The following ELP1 variants were observed in gnomAD, a reference collection of about 807,000 sequenced individuals.
The protein encoded by ELP1 is elongator acetyltransferase complex subunit 1.
In ELP1, 131 loss-of-function variants were observed where a neutral mutation model predicts 183.2. That is an observed-to-expected ratio of 0.72 (90% CI 0.62 to 0.83). The LOEUF (loss-of-function observed/expected upper bound fraction) is 0.83, where lower values mean the gene tolerates loss of function less well. Among genes scored for constraint, ELP1 ranks in the 40% least tolerant of loss-of-function variants. The pLI is 0.00. For missense variants in ELP1, 1,550 were observed against 1,594.9 expected, an observed-to-expected ratio of 0.97 and a Z score of 0.48; for synonymous variants, 555 against 569.0, an observed-to-expected ratio of 0.98 and a Z score of 0.35.
At chr9:108,871,121 C>A (rs564863351) in intron 36 of ELP1, among the ~76,000 whole-genome samples, 257 of 152,122 alleles carry the variant, frequency 1.7e-3, no homozygotes, top group African/African-American at 6.0e-3. Flanking sequence ...GCTTTCACAG[C>A]TTTTTCTATA....
At chr9:108,932,077 C>A (rs1830018717) in intron 1 of ELP1, among the ~76,000 whole-genome samples, 1 of 152,194 alleles carries the variant, frequency 6.6e-6, no homozygotes, top group South Asian at 2.1e-4. Context: ...CCACACCGGT[C>A]TTATTGTCAC....
chr9:108,899,874 C>A lies in ELP1; in HGVS notation c.2152G>T (p.Val718Phe), dbSNP rs773965863. The A allele has an allele frequency of 6.2e-7, 1 of 1,614,092 alleles. No individual in the cohort carries two copies. The highest frequency in any genetic ancestry group is 2.2e-5 in the East Asian group (1 of 44,870). ...AAAACCAGGGCTCGATGATGAACAA[C>A]TTCTAAGTTTCCCCTTGGCATCTTA... ...VLQMPRGNLEVVHHRALVLAQ... is the reference protein window; with the variant it reads ...VLQMPRGNLEFVHHRALVLAQ... Residue 718 changes from valine (V) to phenylalanine (F), a missense_variant, in exon 20 of 37, where the codon GTT (valine) becomes TTT (phenylalanine). Val to Phe is a conservative substitution (Grantham distance 50). Coordinates refer to ENST00000374647, the MANE Select transcript of ELP1 (RefSeq NM_003640.5).
At chr9:108,910,871 TA>T (rs1158309895) in intron 12 of ELP1, 138 bp downstream of exon 12, 3 of 661,974 alleles carry the variant, frequency 4.5e-6, no homozygotes, top group Non-Finnish European at 8.0e-6. Context: ...TTAAATATCA[TA>T]ATGATAATGA....
intron 35 of ELP1, among the ~76,000 whole-genome samples, 166 bp downstream of exon 35, chr9:108,877,829 A>G (rs1827759038): frequency 1.3e-5 from 2 of 152,254 alleles, no homozygotes; most frequent in Non-Finnish European, 1.5e-5. Context: ...GTCACTCTAC[A>G]GGCAAATATC....
At chr9:108,913,175 C>T (rs1169036204) in intron 10 of ELP1, among the ~76,000 whole-genome samples, 1 of 152,126 alleles carries the variant, frequency 6.6e-6, no homozygotes. Flanking sequence ...GATAACTTGG[C>T]AATTAGAGTA....
At chr9:108,872,804 G>GGA (rs1827523763) in intron 36 of ELP1, among the ~76,000 whole-genome samples, 1 of 83,380 alleles carries the variant, frequency 1.2e-5, no homozygotes, top group African/African-American at 8.6e-5. Context: ...GACTCTGTCT[G>GGA]AAAAAAAAAA....
chr9:108,902,085 AG>A (rs1410481362), intron 16 of ELP1, among the ~76,000 whole-genome samples: 1 of 152,238 alleles, frequency 6.6e-6, no homozygotes, highest in African/African-American at 2.4e-5. Flanking sequence ...GTTCAATTAA[AG>A]AACCCAAATT....
intron 35 of ELP1, 56 bp from the exon 36 acceptor site, chr9:108,875,026 C>A: frequency 8.3e-7 from 1 of 1,205,860 alleles, no homozygotes; most frequent in Non-Finnish European, 1.2e-6. Context: ...TCAAGACTGC[C>A]AATACCAAAG....
At position 108,880,020 on chromosome 9, in the gene ELP1, C is replaced by T. The variant is rs201862301; in HGVS notation, c.3460+32G>A. The T allele has an allele frequency of 2.1e-5, 29 of 1,362,810 alleles. No individual in the cohort carries two copies. In the South Asian group the frequency reaches 2.4e-4, roughly 11 times the overall value. The allele number at this position is 1,362,810 out of a possible 1,614,324, so 84.4% of individuals were successfully genotyped here. A position where few individuals can be genotyped will look rare whatever the true frequency, so the allele number is the denominator to read the frequency against. Reference sequence around the variant, plus strand: ...TGGCGTTACCCAACCCCACTGCCCCCGCACGTCGATGGCCTTCACGCAGAT... The same window carrying T: ...TGGCGTTACCCAACCCCACTGCCCCTGCACGTCGATGGCCTTCACGCAGAT... On this transcript the variant is annotated intron_variant, in intron 32 of 36. Coordinates refer to ENST00000374647, the MANE Select transcript of ELP1 (RefSeq NM_003640.5).
Position 108,911,018 on chromosome 9 carries a change from T to C in ELP1, c.1352A>G (p.Tyr451Cys), listed in dbSNP as rs1829196320. ...VLDASNQISVYKCGDCPSADP... is the reference protein window; with the variant it reads ...VLDASNQISVCKCGDCPSADP... ...AAAGTTTTATAACATACCACATTTA[T>C]AAACAGAAATCTGGTTACTGGCATC... Residue 451 changes from tyrosine (Y) to cysteine (C), a missense_variant, in exon 12 of 37, where the codon TAT becomes TGT. Coordinates refer to ENST00000374647, the MANE Select transcript of ELP1 (RefSeq NM_003640.5). The C allele has an allele frequency of 3.7e-6, 6 of 1,614,092 alleles. No homozygotes were observed. The highest frequency in any genetic ancestry group is 4.2e-6 in the Non-Finnish European group (5 of 1,179,938).
chr9:108,913,706 G>A (rs1476028043), intron 10 of ELP1, among the ~76,000 whole-genome samples: 1 of 152,098 alleles, frequency 6.6e-6, no homozygotes, highest in African/African-American at 2.4e-5. Context: ...GGAGTGCAGT[G>A]GCTCAATCTC....
intron 27 of ELP1, 112 bp from the exon 28 acceptor site, chr9:108,891,516 T>C: frequency 1.1e-6 from 1 of 950,552 alleles, no homozygotes; most frequent in Non-Finnish European, 1.7e-6. Flanking sequence ...AAGAATTACC[T>C]GGGAAAATCT....
intron 5 of ELP1, 122 bp from the exon 6 acceptor site, chr9:108,923,049 A>T (rs1829707740): frequency 2.6e-6 from 2 of 780,092 alleles, no homozygotes; most frequent in South Asian, 2.8e-5. Flanking sequence ...CCTCTCAATA[A>T]ATTGACCAGC....
chr9:108,927,220 CAT>C, intron 4 of ELP1, 150 bp downstream of exon 4: 1 of 664,112 alleles, frequency 1.5e-6, no homozygotes, highest in Non-Finnish European at 2.7e-6. Context: ...TACACACACA[CAT>C]ACATAATTGG....
In ELP1 at chr9:108,918,805, A is replaced by G; in HGVS notation, c.740+6T>C. On this transcript the variant is annotated splice_donor_region_variant and intron_variant, in intron 8 of 36. Transcript: ENST00000374647. ...GAATTTCTCTAAGGTTTCTTCTCCC[A>G]CTCACTTCCAAGCCAGGGCTGGTCC... is the stretch of plus-strand genomic sequence containing the variant. 1 of 1,608,208 alleles carries G rather than the reference A, an allele frequency of 6.2e-7. No homozygotes were observed. The highest frequency in any genetic ancestry group is 1.1e-5 in the South Asian group (1 of 90,928).
chr9:108,899,680 AAG>A (rs112205774), intron 20 of ELP1, 140 bp downstream of exon 20: 1 of 667,802 alleles, frequency 1.5e-6, no homozygotes, highest in South Asian at 1.8e-5. Flanking sequence ...AAAAAAAAAA[AAG>A]AGCCTCTAAG....
chr9:108,896,592 A>G lies in ELP1; in HGVS notation c.2640T>C (p.Tyr880=), dbSNP rs180790273. 6.2e-7 allele frequency: 1 copy of G among 1,613,896 alleles called. No homozygotes were observed. Among genetic ancestry groups the G allele is most frequent in the East Asian group, 2.2e-5 (1 of 44,880 alleles). Residue 880 remains tyrosine, a synonymous_variant, in exon 25 of 37, where the codon TAT becomes TAC. Transcript: ENST00000374647. The part of the protein sequence containing the change: ...DAVSAEEALK[Y]LLHLVDVNEL... Reference sequence around the variant, plus strand: ...CATTAACATCTACCAGATGCAGCAAATATTTCAAGGCCTCTTCAGCACTCA... The same window carrying G: ...CATTAACATCTACCAGATGCAGCAAGTATTTCAAGGCCTCTTCAGCACTCA...
At chr9:108,909,600 G>A (rs1829138706) in intron 12 of ELP1, among the ~76,000 whole-genome samples, 1 of 151,924 alleles carries the variant, frequency 6.6e-6, no homozygotes, top group Admixed American at 6.5e-5. Flanking sequence ...TAACTTCTCA[G>A]GGTTTTTACT....
chr9:108,900,734 T>G (rs966394591), intron 18 of ELP1, among the ~76,000 whole-genome samples: 1 of 152,044 alleles, frequency 6.6e-6, no homozygotes. Flanking sequence ...AGAAAATAAG[T>G]TGGCTTTTTA....
Sources: allele counts gnomAD v4.1 joint callset (sites outside exome capture counted in the v4.1 genomes callset), GRCh38; gene constraint gnomAD v4.1.1; transcripts MANE v1.5; gene names NCBI Gene and HGNC (gene_info 2026-07-23, HGNC 2026-07-21).